ACBD3: variants seen among roughly 807,000 people sequenced by gnomAD.
ACBD3 encodes Golgi resident protein GCP60.
ACBD3 carries 30 observed loss-of-function variants against 66.9 expected under a neutral mutation model. That is an observed-to-expected ratio of 0.45 (90% CI 0.34 to 0.61). ACBD3 has a LOEUF of 0.61. Among genes scored for constraint, ACBD3 ranks in the 20% least tolerant of loss-of-function variants. The probability of loss-of-function intolerance (pLI) is 0.02; values close to 1 mark genes in which losing one functional copy is unlikely to be tolerated. For synonymous variants in ACBD3, 278 were observed against 259.8 expected (o/e 1.07, Z -0.68); for missense variants, 544 against 664.5 (o/e 0.82, Z 1.99).
At chr1:226,148,163 G>GT (rs1558122213) in intron 7 of ACBD3, 1 of 152,136 alleles carries the variant, frequency 6.6e-6, no homozygotes, top group African/African-American at 2.4e-5. Flanking sequence ...GGAACATTAG[G>GT]TAAAAACTAA....
chr1:226,147,905 GAAGAC>G (rs745923251), intron 7 of ACBD3: 1 of 152,184 alleles, frequency 6.6e-6, no homozygotes, highest in Non-Finnish European at 1.5e-5. Context: ...ATTCAGCACA[GAAGAC>G]AAGACTTTCG....
intron 1 of ACBD3, among the ~76,000 whole-genome samples, 178 bp from the exon 2 acceptor site, chr1:226,166,178 CAG>C (rs1420484261): frequency 1.3e-5 from 2 of 151,948 alleles, no homozygotes; most frequent in Non-Finnish European, 1.5e-5. Flanking sequence ...TATTTTTAGA[CAG>C]AGTCTCACTC....
intron 5 of ACBD3, among the ~76,000 whole-genome samples, chr1:226,158,220 CAA>C (rs750613946): frequency 3.9e-5 from 6 of 152,138 alleles, no homozygotes; most frequent in Non-Finnish European, 7.4e-5. Flanking sequence ...GCAAAAACAA[CAA>C]AGATTATTTC....
At chr1:226,150,164 T>A (rs1659542233) in intron 7 of ACBD3, among the ~76,000 whole-genome samples, 2 of 150,210 alleles carry the variant, frequency 1.3e-5, no homozygotes, top group South Asian at 4.2e-4. Flanking sequence ...ACTCAAGCAA[T>A]CCTCTTGCCT....
intron 4 of ACBD3, among the ~76,000 whole-genome samples, chr1:226,161,208 G>A (rs923437237): frequency 6.7e-6 from 1 of 148,406 alleles, no homozygotes; most frequent in Non-Finnish European, 1.5e-5. Context: ...GCGCGATCTC[G>A]GCTCACTGCA....
rs1164058381 is a variant in ACBD3, at chr1:226,149,647, T to C, written c.1375+2688A>G. Among the ~76,000 whole-genome samples, 5 of 144,636 alleles carry C rather than the reference T, an allele frequency of 3.5e-5. No individual in the cohort carries two copies. In the East Asian group the frequency reaches 6.2e-4, roughly 18 times the overall value. The allele number at this position is 144,636 out of a possible 152,430, so 94.9% of individuals were successfully genotyped here. On this transcript the variant is annotated intron_variant, in intron 7 of 7. Coordinates refer to ENST00000366812, the MANE Select transcript of ACBD3 (RefSeq NM_022735.4). Reference sequence around the variant, plus strand: ...CCTCTACCTCCTGGGCTCAAGCAATTTTCCCACCTCAGCCTCCCAAGTAGC... The same window carrying C: ...CCTCTACCTCCTGGGCTCAAGCAATCTTCCCACCTCAGCCTCCCAAGTAGC...
intron 1 of ACBD3, among the ~76,000 whole-genome samples, chr1:226,182,113 C>A (rs188203016): frequency 2.8e-4 from 43 of 152,120 alleles, no homozygotes; most frequent in African/African-American, 9.2e-4. Context: ...TGCCTGTGGT[C>A]CCAGTCACAC....
chr1:226,150,278 G>A (rs377195169), intron 7 of ACBD3, among the ~76,000 whole-genome samples: 3 of 152,028 alleles, frequency 2.0e-5, no homozygotes, highest in Non-Finnish European at 4.4e-5. Flanking sequence ...AAAACGGGTT[G>A]CCCAGACTGG....
At chr1:226,156,525 T>TAC (rs371958737) in intron 5 of ACBD3, among the ~76,000 whole-genome samples, 4 of 151,664 alleles carry the variant, frequency 2.6e-5, no homozygotes, top group Non-Finnish European at 4.4e-5. Context: ...CACGCACACA[T>TAC]ACACACACAC....
Position 226,161,669 on chromosome 1 carries a change from C to T in ACBD3, c.590G>A (p.Arg197Lys). 1 of 1,599,342 alleles carries T rather than the reference C, an allele frequency of 6.3e-7. No homozygotes were observed. ...TTCTCTTTCTTCCTCTTCACGCCGCCTTCGCTCCTCTTCCTCCTTCCTACA... is the reference window on the plus strand; with the variant it reads ...TTCTCTTTCTTCCTCTTCACGCCGCTTTCGCTCCTCTTCCTCCTTCCTACA... ...EKKRKEEEER[R>K]RREEEERERL... is the part of the protein sequence containing the mutation. Residue 197 changes from arginine (R) to lysine (K), a missense_variant, in exon 4 of 8, where the codon AGG becomes AAG. Arg to Lys is a conservative substitution (Grantham distance 26, BLOSUM62 2). Coordinates refer to ENST00000366812, the MANE Select transcript of ACBD3 (RefSeq NM_022735.4).
chr1:226,152,726 A>T (rs1039102427), intron 6 of ACBD3, 107 bp from the exon 7 acceptor site: 1 of 1,104,280 alleles, frequency 9.1e-7, no homozygotes, highest in Non-Finnish European at 1.3e-6. Flanking sequence ...ACCAAGTACA[A>T]TATGGTCTAG....
chr1:226,169,187 A>G (rs1016739664), intron 1 of ACBD3, among the ~76,000 whole-genome samples: 1 of 151,952 alleles, frequency 6.6e-6, no homozygotes, highest in African/African-American at 2.4e-5. Context: ...ACAAATGGCG[A>G]TAATTTGAAA....
intron 3 of ACBD3, 126 bp downstream of exon 3, chr1:226,164,663 A>ACAAG: frequency 8.8e-7 from 1 of 1,142,298 alleles, no homozygotes; most frequent in East Asian, 2.8e-5. Flanking sequence ...AACAATTGCC[A>ACAAG]CAAGAAATGG....
chr1:226,172,809 T>TGGCATACAGCTGGGTGCGGC (rs1655873482), intron 1 of ACBD3, among the ~76,000 whole-genome samples: 1 of 151,982 alleles, frequency 6.6e-6, no homozygotes. Flanking sequence ...CTGGGTGTGG[T>TGGCATACAGCTGGGTGCGGC]GGCATACAGC....
rs1370226569 is a variant in ACBD3 at position 226,159,164 on chromosome 1, T to A, written c.903+20A>T. 1 of 1,612,674 alleles carries A rather than the reference T, an allele frequency of 6.2e-7. No individual in the cohort carries two copies. On this transcript the variant is annotated intron_variant, in intron 5 of 7. Coordinates refer to ENST00000366812, the MANE Select transcript of ACBD3 (RefSeq NM_022735.4). ...CTAAAAACTCTCTCTAAGGCTGAATTCTAGGGTTGTCTATCGTACCTGTTG... is the reference window on the plus strand; with the variant it reads ...CTAAAAACTCTCTCTAAGGCTGAATACTAGGGTTGTCTATCGTACCTGTTG...
At chr1:226,178,569 C>T (rs1405410757) in intron 1 of ACBD3, among the ~76,000 whole-genome samples, 6 of 35,200 alleles carry the variant, frequency 1.7e-4, no homozygotes, top group East Asian at 1.4e-3. Context: ...AGCAAGACTC[C>T]GTCTCAAAAA....
chr1:226,148,409 T>A (rs1275337859), intron 7 of ACBD3, among the ~76,000 whole-genome samples: 1 of 152,200 alleles, frequency 6.6e-6, no homozygotes, highest in Non-Finnish European at 1.5e-5. Context: ...TAAAGGTAGG[T>A]CAAAACCAGA....
At chr1:226,162,183 A>G (rs1203282948) in intron 3 of ACBD3, among the ~76,000 whole-genome samples, 2 of 152,192 alleles carry the variant, frequency 1.3e-5, no homozygotes, top group East Asian at 3.8e-4. Context: ...GTACAGAAGT[A>G]AAAAATCCAC....
chr1:226,172,899 T>C (rs1049053260), intron 1 of ACBD3, among the ~76,000 whole-genome samples: 3 of 152,124 alleles, frequency 2.0e-5, no homozygotes, highest in African/African-American at 4.8e-5. Context: ...GAGGCTCCAA[T>C]AGACTGTGAA....
Sources: gnomAD v4.1 joint callset for allele counts (sites outside exome capture counted in the v4.1 genomes callset) on GRCh38, gnomAD v4.1.1 for gene constraint, MANE v1.5 for transcripts, NCBI Gene and HGNC (gene_info 2026-07-23, HGNC 2026-07-21) for gene names.